The following SSBP2 variants were observed in gnomAD, a reference collection of about 807,000 sequenced individuals.
SSBP2 encodes single stranded DNA binding protein 2.
Under a neutral mutation model 61.8 loss-of-function variants are expected in SSBP2, and 17 were observed. That is an observed-to-expected ratio of 0.28 (90% confidence interval 0.19 to 0.41). The LOEUF (loss-of-function observed/expected upper bound fraction) is 0.41, where lower values mean the gene tolerates loss of function less well. Among genes scored for constraint, SSBP2 ranks in the 10% least tolerant of loss-of-function variants. SSBP2 has a pLI of 1.00. For synonymous variants in SSBP2, 139 were observed against 141.3 expected (o/e 0.98, Z 0.12); for missense variants, 310 against 458.7 (o/e 0.68, Z 2.96).
intron 5 of SSBP2, among the ~76,000 whole-genome samples, chr5:81,493,322 T>C (rs550045517): frequency 6.6e-6 from 1 of 152,000 alleles, no homozygotes; most frequent in East Asian, 1.9e-4. Flanking sequence ...TCTTGCTCCA[T>C]TGTCCAGGCT....
chr5:81,618,100 C>A (rs1158180760), intron 3 of SSBP2, among the ~76,000 whole-genome samples: 1 of 104,604 alleles, frequency 9.6e-6, no homozygotes, highest in Non-Finnish European at 2.1e-5. Flanking sequence ...TCACACATAA[C>A]AATATTAACT....
intron 1 of SSBP2, among the ~76,000 whole-genome samples, chr5:81,690,846 A>T (rs1412663293): frequency 2.0e-5 from 3 of 152,116 alleles, no homozygotes; most frequent in Non-Finnish European, 4.4e-5. Flanking sequence ...TATTCCAAAA[A>T]ATCTGAAATT....
At chr5:81,590,989 G>C (rs1456520357) in intron 4 of SSBP2, among the ~76,000 whole-genome samples, 1 of 152,180 alleles carries the variant, frequency 6.6e-6, no homozygotes, top group Non-Finnish European at 1.5e-5. Context: ...GGCTGAATCA[G>C]TGCAACAGAG....
chr5:81,568,646 T>C (rs1217274061), intron 4 of SSBP2, among the ~76,000 whole-genome samples: 1 of 152,232 alleles, frequency 6.6e-6, no homozygotes, highest in East Asian at 1.9e-4. Flanking sequence ...GCTGTCATTG[T>C]ACAAATATCA....
chr5:81,489,832 T>C (rs1399799250), intron 5 of SSBP2, among the ~76,000 whole-genome samples: 1 of 152,156 alleles, frequency 6.6e-6, no homozygotes, highest in Non-Finnish European at 1.5e-5. Context: ...AAGCTCTGGC[T>C]TTTCCTCATC....
At chr5:81,748,844 C>A (rs576780702) in intron 1 of SSBP2, among the ~76,000 whole-genome samples, 1 of 152,068 alleles carries the variant, frequency 6.6e-6, no homozygotes, top group East Asian at 1.9e-4. Flanking sequence ...AGAATTAGAG[C>A]TAGAAAGGAC....
chr5:81,662,657 C>T (rs1314539259), intron 1 of SSBP2, among the ~76,000 whole-genome samples: 1 of 151,934 alleles, frequency 6.6e-6, no homozygotes, highest in Non-Finnish European at 1.5e-5. Context: ...CAAAAATTAG[C>T]TGGGCATGGT....
chr5:81,518,254 G>C (rs1486566995), intron 4 of SSBP2, among the ~76,000 whole-genome samples: 1 of 152,156 alleles, frequency 6.6e-6, no homozygotes, highest in African/African-American at 2.4e-5. Context: ...AGGCTGAGCA[G>C]GGGATTATAG....
intron 4 of SSBP2, among the ~76,000 whole-genome samples, chr5:81,531,774 G>A (rs1040492738): frequency 2.0e-5 from 3 of 151,952 alleles, no homozygotes; most frequent in Non-Finnish European, 4.4e-5. Flanking sequence ...AAGAGTGCAA[G>A]AGAAAGATAA....
intron 1 of SSBP2, among the ~76,000 whole-genome samples, chr5:81,673,342 T>C (rs566327060): frequency 1.3e-5 from 2 of 152,292 alleles, no homozygotes; most frequent in African/African-American, 2.4e-5. Context: ...AATATATTTA[T>C]ATTCCTGAAT....
intron 1 of SSBP2, among the ~76,000 whole-genome samples, chr5:81,708,994 TA>T (rs1754591380): frequency 1.3e-5 from 2 of 152,112 alleles, no homozygotes; most frequent in South Asian, 4.1e-4. Flanking sequence ...GAATATAGGC[TA>T]AAGGTTCACT....
chr5:81,660,026 A>G (rs1161442439), intron 1 of SSBP2, among the ~76,000 whole-genome samples: 5 of 152,114 alleles, frequency 3.3e-5, no homozygotes, highest in African/African-American at 9.7e-5. Flanking sequence ...ACTCAAGATG[A>G]ATTAAAGACT....
At chr5:81,711,545 G>T (rs1754777109) in intron 1 of SSBP2, among the ~76,000 whole-genome samples, 1 of 152,082 alleles carries the variant, frequency 6.6e-6, no homozygotes, top group South Asian at 2.1e-4. Context: ...AGGGAAAGAA[G>T]TTGAGCCTTT....
chr5:81,589,881 G>C (rs1418372927), intron 4 of SSBP2, among the ~76,000 whole-genome samples: 1 of 152,140 alleles, frequency 6.6e-6, no homozygotes, highest in Non-Finnish European at 1.5e-5. Flanking sequence ...GAGGGAGAGA[G>C]AGAGAGAGAG....
At chr5:81,586,682 G>C (rs969530768) in intron 4 of SSBP2, among the ~76,000 whole-genome samples, 2 of 147,184 alleles carry the variant, frequency 1.4e-5, no homozygotes, top group Non-Finnish European at 3.0e-5. Context: ...ATCCTTAAAA[G>C]ACCTTGCATG....
At chr5:81,539,896 C>T (rs577467367) in intron 4 of SSBP2, among the ~76,000 whole-genome samples, 28 of 152,192 alleles carry the variant, frequency 1.8e-4, no homozygotes, top group Admixed American at 3.9e-4. Context: ...CCTCCCTTAG[C>T]CCCCCACCCC....
At chr5:81,489,461 G>T in intron 5 of SSBP2, 152 bp from the exon 6 acceptor site, 2 of 589,780 alleles carry the variant, frequency 3.4e-6, no homozygotes, top group Non-Finnish European at 5.6e-6. Context: ...ATGCTTTTAA[G>T]AAAAATTACC....
chr5:81,739,980 CTT>C (rs1394371865), intron 1 of SSBP2, among the ~76,000 whole-genome samples: 11 of 152,140 alleles, frequency 7.2e-5, no homozygotes, highest in African/African-American at 9.7e-5. Context: ...AATGATCACT[CTT>C]GTCGATTATA....
intron 5 of SSBP2, among the ~76,000 whole-genome samples, chr5:81,501,284 T>G (rs538677328): frequency 5.3e-5 from 4 of 75,264 alleles, no homozygotes; most frequent in East Asian, 4.4e-4. Context: ...CACACACACA[T>G]GCACATACAC....
Sources: allele counts gnomAD v4.1 joint callset (sites outside exome capture counted in the v4.1 genomes callset), GRCh38; gene constraint gnomAD v4.1.1; transcripts MANE v1.5; gene names NCBI Gene and HGNC (gene_info 2026-07-23, HGNC 2026-07-21).